Variants in ATP8A2 observed in about 807,000 individuals in gnomAD.
ATP8A2 encodes ATPase phospholipid transporting 8A2, also known as phospholipid-transporting ATPase IB.
Under a neutral mutation model 165.6 loss-of-function variants are expected in ATP8A2, and 100 were observed. The ratio of observed to expected loss-of-function variants is 0.60; its 90% CI spans 0.51 to 0.71. The LOEUF is 0.71. Ranked by LOEUF, ATP8A2 falls within the 30% of genes least tolerant of loss-of-function variation. ATP8A2 has a pLI of 0.00. For synonymous variants in ATP8A2, 543 were observed against 548.8 expected (o/e 0.99, Z 0.15); for missense variants, 1,227 against 1,479.5 (o/e 0.83, Z 2.80).
chr13:25,995,902 T>G (rs1266833346), intron 35 of ATP8A2, among the ~76,000 whole-genome samples: 1 of 152,158 alleles, frequency 6.6e-6, no homozygotes, highest in African/African-American at 2.4e-5. Flanking sequence ...TGTGAATTAG[T>G]CTATTTCTTA....
At chr13:25,852,906 GA>G (rs58941860) in intron 30 of ATP8A2, among the ~76,000 whole-genome samples, 96 of 145,076 alleles carry the variant, frequency 6.6e-4, no homozygotes, top group African/African-American at 1.5e-3. Context: ...CTCAGTCTCA[GA>G]AAAAAAAAAA....
Position 25,392,641 on chromosome 13 carries a change from T to C in ATP8A2, c.76+20353T>C, listed in dbSNP as rs537310709. 2.6e-4 allele frequency among the ~76,000 whole-genome samples: 39 copies of C among 152,210 alleles called. 1 individual carries two copies. Among genetic ancestry groups the C allele is most frequent in the Admixed American group, 5.9e-4 (9 of 15,280 alleles). ...AAACTAGCCTTTTATAAAAAAATTTTGTAATCCTGTTAAATTTCTTTGTTT... is the reference window on the plus strand; with the variant it reads ...AAACTAGCCTTTTATAAAAAAATTTCGTAATCCTGTTAAATTTCTTTGTTT... On this transcript the variant is annotated intron_variant, in intron 1 of 36. Coordinates refer to ENST00000381655, the MANE Select transcript of ATP8A2 (RefSeq NM_016529.6).
chr13:26,006,058 C>T (rs1356231646), intron 35 of ATP8A2, among the ~76,000 whole-genome samples: 1 of 151,842 alleles, frequency 6.6e-6, no homozygotes, highest in Non-Finnish European at 1.5e-5. Flanking sequence ...ACAAAAAAAA[C>T]CATTGGGATT....
chr13:25,394,056 G>T (rs79043496), intron 1 of ATP8A2, among the ~76,000 whole-genome samples: 3,528 of 152,276 alleles, frequency 0.023, 121 homozygotes, highest in African/African-American at 0.081. Context: ...CTGTTTTATT[G>T]TCCTGGTTGT....
At chr13:25,613,251 T>G (rs1407095584) in intron 24 of ATP8A2, among the ~76,000 whole-genome samples, 2 of 152,210 alleles carry the variant, frequency 1.3e-5, no homozygotes, top group African/African-American at 4.8e-5. Flanking sequence ...TCTATTTTGT[T>G]GTATTTTGAG....
intron 33 of ATP8A2, among the ~76,000 whole-genome samples, chr13:25,882,894 A>AGATGAT (rs3837558): frequency 0.19 from 27,511 of 147,176 alleles, 3,384 homozygotes; most frequent in Non-Finnish European, 0.27. Flanking sequence ...CCTGTGCCTG[A>AGATGAT]GATGATGATG....
chr13:25,793,016 G>C (rs1404982216), intron 27 of ATP8A2, among the ~76,000 whole-genome samples: 4 of 101,096 alleles, frequency 4.0e-5, no homozygotes, highest in South Asian at 3.2e-4. Context: ...GAGGGCAGGA[G>C]AGAAGAGAGG....
intron 1 of ATP8A2, among the ~76,000 whole-genome samples, chr13:25,417,077 C>G (rs1201629429): frequency 6.6e-6 from 1 of 151,894 alleles, no homozygotes; most frequent in Non-Finnish European, 1.5e-5. Flanking sequence ...AGCCATTTAT[C>G]AGAACTTTAA....
intron 2 of ATP8A2, among the ~76,000 whole-genome samples, chr13:25,481,588 G>C (rs1476336640): frequency 2.0e-5 from 3 of 152,192 alleles, no homozygotes; most frequent in Non-Finnish European, 4.4e-5. Context: ...AGACAGACAG[G>C]GAGGGTACCA....
chr13:25,493,931 CTTCT>C (rs890207974), intron 2 of ATP8A2, among the ~76,000 whole-genome samples: 3 of 152,094 alleles, frequency 2.0e-5, no homozygotes, highest in Non-Finnish European at 1.5e-5. Flanking sequence ...AGAAGAGAGA[CTTCT>C]TTATCAATAG....
intron 24 of ATP8A2, among the ~76,000 whole-genome samples, chr13:25,697,180 T>C (rs9507549): frequency 0.9 from 137,574 of 152,238 alleles, 62,265 homozygotes; most frequent in South Asian, 0.94. Context: ...GCCTGTATTA[T>C]ATTAACAAAG....
intron 24 of ATP8A2, among the ~76,000 whole-genome samples, chr13:25,648,205 T>G (rs1433658084): frequency 2.0e-5 from 3 of 152,202 alleles, no homozygotes; most frequent in Non-Finnish European, 2.9e-5. Flanking sequence ...TGTTGAAACT[T>G]TCTCTTGCAT....
chr13:25,468,286 C>T (rs556681750), intron 1 of ATP8A2, among the ~76,000 whole-genome samples: 5 of 152,286 alleles, frequency 3.3e-5, no homozygotes, highest in East Asian at 1.9e-4. Flanking sequence ...AATGAAAGCT[C>T]GAGCGCTGGT....
intron 23 of ATP8A2, among the ~76,000 whole-genome samples, chr13:25,583,666 C>T (rs1189627476): frequency 6.6e-6 from 1 of 152,022 alleles, no homozygotes; most frequent in African/African-American, 2.4e-5. Context: ...GGGATAAACA[C>T]AAGAGAAAGC....
chr13:25,885,609 A>G (rs919115890), intron 33 of ATP8A2, among the ~76,000 whole-genome samples: 1 of 152,176 alleles, frequency 6.6e-6, no homozygotes, highest in Non-Finnish European at 1.5e-5. Context: ...GTCTCAGCAC[A>G]TCAGTCCCGA....
At chr13:25,747,260 G>A (rs2044052929) in intron 25 of ATP8A2, among the ~76,000 whole-genome samples, 1 of 152,202 alleles carries the variant, frequency 6.6e-6, no homozygotes, top group Admixed American at 6.5e-5. Context: ...TAGAGCCATA[G>A]CGCTTGAGCA....
At chr13:25,600,684 T>C (rs2040360163) in intron 24 of ATP8A2, among the ~76,000 whole-genome samples, 1 of 152,198 alleles carries the variant, frequency 6.6e-6, no homozygotes, top group Non-Finnish European at 1.5e-5. Flanking sequence ...TGGTAGAATG[T>C]GGTCTCTTCA....
chr13:25,486,413 C>T (rs2036354874), intron 2 of ATP8A2, among the ~76,000 whole-genome samples: 2 of 152,122 alleles, frequency 1.3e-5, no homozygotes, highest in Admixed American at 1.3e-4. Context: ...ATTGATTTAG[C>T]ATTCTTCACA....
chr13:25,943,625 C>G (rs1275838295), intron 33 of ATP8A2, among the ~76,000 whole-genome samples: 1 of 152,182 alleles, frequency 6.6e-6, no homozygotes, highest in East Asian at 1.9e-4. Flanking sequence ...CAAAATGTGT[C>G]TCTATTGTTA....
Sources: allele counts gnomAD v4.1 joint callset (sites outside exome capture counted in the v4.1 genomes callset), GRCh38; gene constraint gnomAD v4.1.1; transcripts MANE v1.5; gene names NCBI Gene and HGNC (gene_info 2026-07-23, HGNC 2026-07-21).